ABTB2: variants seen among roughly 807,000 people sequenced by gnomAD.
The protein encoded by ABTB2 is ankyrin repeat and BTB domain containing 2.
ABTB2 carries 56 observed loss-of-function variants against 104.1 expected under a neutral mutation model. The observed-to-expected ratio is 0.54, with a 90% CI of 0.43 to 0.67. ABTB2 has a LOEUF of 0.67. ABTB2 is among the 30% of genes least tolerant of loss of function. The pLI is 0.00. For missense variants in ABTB2, 1,279 were observed against 1,407.7 expected (o/e 0.91, Z 1.46); for synonymous variants, 606 against 608.2 (o/e 1.00, Z 0.05).
intron 1 of ABTB2, among the ~76,000 whole-genome samples, chr11:34,328,684 C>T (rs762339899): frequency 8.5e-5 from 13 of 152,168 alleles, no homozygotes; most frequent in Non-Finnish European, 1.6e-4. Flanking sequence ...TCAAGGAACC[C>T]TTATTGGCTC....
chr11:34,152,374 T>G lies in ABTB2; in HGVS notation c.*13A>C. On this transcript the variant is annotated 3_prime_UTR_variant, in exon 17 of 17. Coordinates refer to ENST00000435224, the MANE Select transcript of ABTB2 (RefSeq NM_145804.3). ...TCCACAGGCCCTGGCCTCGGCAGCC[T>G]CCGCCCCCTGCCTCACACCCGGGAG... is the stretch of plus-strand genomic sequence containing the variant. 6.4e-7 allele frequency: 1 copy of G among 1,551,764 alleles called. No individual in the cohort carries two copies. The highest frequency in any genetic ancestry group is 2.3e-4 in the Middle Eastern group (1 of 4,372).
intron 1 of ABTB2, among the ~76,000 whole-genome samples, chr11:34,272,428 C>T (rs1421706177): frequency 6.6e-6 from 1 of 151,908 alleles, no homozygotes; most frequent in Non-Finnish European, 1.5e-5. Flanking sequence ...CATTGGCAGG[C>T]CAAGCGTGGT....
intron 1 of ABTB2, among the ~76,000 whole-genome samples, chr11:34,305,232 T>G (rs989279443): frequency 6.6e-6 from 1 of 152,208 alleles, no homozygotes; most frequent in Non-Finnish European, 1.5e-5. Flanking sequence ...CACCAACACA[T>G]GCCTGAGAGA....
At chr11:34,191,417 G>A (rs953340199) in intron 3 of ABTB2, among the ~76,000 whole-genome samples, 11 of 152,318 alleles carry the variant, frequency 7.2e-5, no homozygotes, top group South Asian at 2.1e-4. Flanking sequence ...CACATTTATC[G>A]TCTACCAGGA....
At chr11:34,160,210 A>T in intron 12 of ABTB2, 38 bp downstream of exon 12, 1 of 1,514,888 alleles carries the variant, frequency 6.6e-7, no homozygotes, top group Non-Finnish European at 9.2e-7. Flanking sequence ...GAGGGGGAGG[A>T]CGTGTGGTGA....
intron 1 of ABTB2, among the ~76,000 whole-genome samples, chr11:34,324,586 G>A (rs897308683): frequency 6.6e-6 from 1 of 152,178 alleles, no homozygotes; most frequent in African/African-American, 2.4e-5. Flanking sequence ...CAAAACCCAA[G>A]CCTACAAATA....
intron 1 of ABTB2, among the ~76,000 whole-genome samples, chr11:34,297,637 A>G (rs1177928552): frequency 6.6e-6 from 1 of 151,962 alleles, no homozygotes; most frequent in Non-Finnish European, 1.5e-5. Flanking sequence ...GTAGTGGCGC[A>G]TGCCTGTAAT....
chr11:34,329,144 T>C (rs182875696), intron 1 of ABTB2, among the ~76,000 whole-genome samples: 3 of 152,370 alleles, frequency 2.0e-5, no homozygotes, highest in Admixed American at 2.0e-4. Context: ...AAAGAAGTGC[T>C]TCTCTTTCAG....
At chr11:34,208,995 T>G (rs1014014355) in intron 1 of ABTB2, among the ~76,000 whole-genome samples, 1 of 152,174 alleles carries the variant, frequency 6.6e-6, no homozygotes, top group African/African-American at 2.4e-5. Flanking sequence ...AATGACTCTC[T>G]GTTAGCCTCA....
chr11:34,168,243 C>T (rs1347525857), intron 5 of ABTB2, among the ~76,000 whole-genome samples: 1 of 152,206 alleles, frequency 6.6e-6, no homozygotes, highest in Non-Finnish European at 1.5e-5. Flanking sequence ...AGGCTCGGTG[C>T]CAAGGTCTCC....
chr11:34,154,685 C>T lies in ABTB2; in HGVS notation c.2766+16G>A, dbSNP rs199588715. On this transcript the variant is annotated intron_variant, in intron 15 of 16. Coordinates refer to ENST00000435224, the MANE Select transcript of ABTB2 (RefSeq NM_145804.3). This position sits in a 1 kb window ranked among gnomAD's most constrained non-coding sequence, Gnocchi z 4.9. The stretch of plus-strand genomic sequence containing the variant: ...GCACCCTAGCCCAGGCCCCCTCCCC[C>T]TCTCCCGAGTCTCACCTCCAGGATG... 48 of 1,613,814 alleles carry T rather than the reference C, an allele frequency of 3.0e-5. No homozygotes were observed. The highest frequency in any genetic ancestry group is 5.5e-5 in the South Asian group (5 of 91,080).
intron 1 of ABTB2, among the ~76,000 whole-genome samples, chr11:34,234,695 G>A (rs1328508034): frequency 1.3e-5 from 2 of 152,154 alleles, no homozygotes; most frequent in Non-Finnish European, 2.9e-5. Context: ...CAAGCCCTGG[G>A]ACAGTCAGGT....
At chr11:34,290,285 C>T (rs945469742) in intron 1 of ABTB2, among the ~76,000 whole-genome samples, 2 of 152,212 alleles carry the variant, frequency 1.3e-5, no homozygotes, top group African/African-American at 4.8e-5. Context: ...AAGACTGTAC[C>T]TGGACTTAAG....
At chr11:34,237,255 C>T (rs1853856132) in intron 1 of ABTB2, among the ~76,000 whole-genome samples, 1 of 151,162 alleles carries the variant, frequency 6.6e-6, no homozygotes, top group South Asian at 2.1e-4. Context: ...CGGCTGTGTC[C>T]TCGTGATTTT....
intron 3 of ABTB2, among the ~76,000 whole-genome samples, chr11:34,191,721 C>T (rs1393168449): frequency 6.6e-6 from 1 of 152,172 alleles, no homozygotes; most frequent in Non-Finnish European, 1.5e-5. Flanking sequence ...AAAACCCAGC[C>T]AATCACAAAT....
intron 1 of ABTB2, among the ~76,000 whole-genome samples, chr11:34,247,030 A>G (rs888809850): frequency 1.3e-5 from 2 of 151,938 alleles, no homozygotes; most frequent in African/African-American, 2.4e-5. Flanking sequence ...TATTTTTAGT[A>G]GAGACGGGGT....
At chr11:34,166,746 G>A (rs922527043) in intron 7 of ABTB2, among the ~76,000 whole-genome samples, 3 of 152,212 alleles carry the variant, frequency 2.0e-5, no homozygotes, top group East Asian at 1.9e-4. Context: ...CTGTCCCCAC[G>A]CCAGCACAGC....
At chr11:34,209,360 T>C (rs1018092098) in intron 1 of ABTB2, among the ~76,000 whole-genome samples, 1 of 149,734 alleles carries the variant, frequency 6.7e-6, no homozygotes, top group Non-Finnish European at 1.5e-5. Context: ...AACTTTTTTT[T>C]TCCCCCAGAA....
intron 1 of ABTB2, among the ~76,000 whole-genome samples, chr11:34,308,514 CTCATGGA>C (rs1270920982): frequency 6.6e-6 from 1 of 152,168 alleles, no homozygotes; most frequent in East Asian, 1.9e-4. Flanking sequence ...TGTAAGAATA[CTCATGGA>C]TCTTGAGTCA....
Sources: allele counts gnomAD v4.1 joint callset (sites outside exome capture counted in the v4.1 genomes callset), GRCh38; gene constraint gnomAD v4.1.1; non-coding constraint Gnocchi (gnomAD v3.1); transcripts MANE v1.5; gene names NCBI Gene and HGNC (gene_info 2026-07-23, HGNC 2026-07-21).